C10orf143: variants seen among roughly 807,000 people sequenced by gnomAD.
The protein encoded by C10orf143 is chromosome 10 open reading frame 143, also known as uncharacterized protein C10orf143.
chr10:130,055,906 A>G (rs1349591726), intron 3 of C10orf143, among the ~76,000 whole-genome samples: 2 of 143,116 alleles, frequency 1.4e-5, no homozygotes, highest in Non-Finnish European at 1.5e-5. Flanking sequence ...AGATCGCATC[A>G]CTGTACTCCA....
chr10:130,055,042 CA>C (rs201976163), intron 3 of C10orf143, among the ~76,000 whole-genome samples: 3 of 150,874 alleles, frequency 2.0e-5, no homozygotes, highest in East Asian at 3.9e-4. Flanking sequence ...TTACACCATA[CA>C]AAAAAAAATC....
intron 3 of C10orf143, among the ~76,000 whole-genome samples, chr10:130,076,916 T>C (rs2134763691): frequency 6.6e-6 from 1 of 152,212 alleles, no homozygotes; most frequent in Non-Finnish European, 1.5e-5. Flanking sequence ...AGACAGCACA[T>C]GACAGGGAGA....
intron 1 of C10orf143, among the ~76,000 whole-genome samples, chr10:130,101,995 G>A (rs1288994737): frequency 1.3e-5 from 2 of 151,900 alleles, no homozygotes; most frequent in African/African-American, 4.8e-5. Context: ...GGCCAGGCAT[G>A]GTGGCTCATG....
At chr10:130,089,727 C>T (rs898241394) in intron 1 of C10orf143, among the ~76,000 whole-genome samples, 3 of 152,186 alleles carry the variant, frequency 2.0e-5, no homozygotes, top group Non-Finnish European at 4.4e-5. Context: ...TGGCACAGAA[C>T]TGAGAGTCCA....
intron 1 of C10orf143, chr10:130,106,762 TAATA>T: frequency 1.6e-6 from 2 of 1,248,006 alleles, no homozygotes; most frequent in East Asian, 4.7e-5. Flanking sequence ...TGAATGAACT[TAATA>T]AACAGAAAAT....
intron 1 of C10orf143, among the ~76,000 whole-genome samples, chr10:130,081,137 G>C (rs996094105): frequency 6.6e-6 from 1 of 152,080 alleles, no homozygotes; most frequent in Non-Finnish European, 1.5e-5. Context: ...AAAATAAAAA[G>C]GATGGACCAA....
intron 1 of C10orf143, among the ~76,000 whole-genome samples, chr10:130,082,690 C>T (rs575078065): frequency 1.4e-4 from 21 of 152,244 alleles, no homozygotes; most frequent in African/African-American, 5.1e-4. Flanking sequence ...ACTTCTTTTT[C>T]TTTATAAATT....
chr10:130,091,122 TGA>T (rs1261886725), intron 1 of C10orf143, among the ~76,000 whole-genome samples: 4 of 152,202 alleles, frequency 2.6e-5, no homozygotes, highest in African/African-American at 9.6e-5. Flanking sequence ...GCCTCCTGAC[TGA>T]GAGATACCTC....
At chr10:130,040,602 G>C (rs887774116) in intron 3 of C10orf143, among the ~76,000 whole-genome samples, 6 of 152,238 alleles carry the variant, frequency 3.9e-5, no homozygotes, top group Non-Finnish European at 7.3e-5. Context: ...AGGCCGAGGT[G>C]GGTGGAGGTC....
At chr10:130,040,907 G>T (rs969247155) in intron 3 of C10orf143, among the ~76,000 whole-genome samples, 25 of 152,182 alleles carry the variant, frequency 1.6e-4, no homozygotes, top group Non-Finnish European at 3.1e-4. Flanking sequence ...GGGACATGAG[G>T]CTTCAGGAAG....
At chr10:130,087,158 C>A (rs377660042) in intron 1 of C10orf143, among the ~76,000 whole-genome samples, 1 of 151,860 alleles carries the variant, frequency 6.6e-6, no homozygotes, top group African/African-American at 2.4e-5. Context: ...TGACCACATA[C>A]GATACTGATC....
At chr10:130,087,448 G>A (rs569683474) in intron 1 of C10orf143, among the ~76,000 whole-genome samples, 4 of 152,298 alleles carry the variant, frequency 2.6e-5, no homozygotes, top group African/African-American at 9.6e-5. Context: ...AAGCAGGAGC[G>A]TGGCCGAGAA....
At chr10:130,066,972 T>G (rs776971176) in intron 3 of C10orf143, 1 of 152,204 alleles carries the variant, frequency 6.6e-6, no homozygotes, top group Non-Finnish European at 1.5e-5. Flanking sequence ...GGGAAAACCC[T>G]TTTCCACTTT....
intron 1 of C10orf143, among the ~76,000 whole-genome samples, chr10:130,090,513 C>T (rs1431973636): frequency 6.6e-6 from 1 of 152,158 alleles, no homozygotes; most frequent in Non-Finnish European, 1.5e-5. Flanking sequence ...AAGCTAACTG[C>T]AGGAGTTTTT....
chr10:130,096,574 T>A (rs1462282886), intron 1 of C10orf143, among the ~76,000 whole-genome samples: 5 of 37,418 alleles, frequency 1.3e-4, no homozygotes, highest in East Asian at 8.7e-4. Flanking sequence ...GGATAAATTC[T>A]TGGCAAACTA....
downstream of C10orf143, among the ~76,000 whole-genome samples, chr10:130,062,007 G>T (rs1445946392): frequency 2.0e-5 from 3 of 152,172 alleles, no homozygotes; most frequent in Non-Finnish European, 4.4e-5. Context: ...GAGGGCGGCT[G>T]CCAGGGGACA....
intron 3 of C10orf143, among the ~76,000 whole-genome samples, chr10:130,073,243 C>T (rs928897207): frequency 1.3e-5 from 2 of 152,184 alleles, no homozygotes; most frequent in Non-Finnish European, 2.9e-5. Flanking sequence ...CACCCAAGGC[C>T]TTCAGGACTT....
chr10:130,075,954 TTGTGTGTGTA>T (rs1564961062), intron 3 of C10orf143, among the ~76,000 whole-genome samples: 1 of 151,886 alleles, frequency 6.6e-6, no homozygotes, highest in East Asian at 1.9e-4. Flanking sequence ...CAGGTAGTTT[TTGTGTGTGTA>T]TGTGTGTGTT....
chr10:130,099,301 T>A (rs1381178051), intron 1 of C10orf143, among the ~76,000 whole-genome samples: 1 of 152,000 alleles, frequency 6.6e-6, no homozygotes, highest in Non-Finnish European at 1.5e-5. Flanking sequence ...GAGAATTAAA[T>A]AGCTTGCTTC....
Sources: allele counts gnomAD v4.1 joint callset (sites outside exome capture counted in the v4.1 genomes callset), GRCh38; gene constraint gnomAD v4.1.1; transcripts MANE v1.5; gene names NCBI Gene and HGNC (gene_info 2026-07-23, HGNC 2026-07-21).